Variants in GLP2R observed in about 807,000 individuals in gnomAD.
GLP2R encodes glucagon like peptide 2 receptor.
GLP2R carries 59 observed loss-of-function variants against 68.2 expected under a neutral mutation model. The ratio of observed to expected loss-of-function variants is 0.87; its 90% confidence interval spans 0.70 to 1.07. The LOEUF is 1.07. GLP2R is among the 50% of genes least tolerant of loss of function. GLP2R has a pLI of 0.00. For missense variants in GLP2R, 548 were observed against 677.4 expected (o/e 0.81, Z 2.12); for synonymous variants, 270 against 265.4 (o/e 1.02, Z -0.17).
chr17:9,847,433 C>T (rs2066850351), intron 4 of GLP2R, among the ~76,000 whole-genome samples: 1 of 151,966 alleles, frequency 6.6e-6, no homozygotes, highest in African/African-American at 2.4e-5. Flanking sequence ...CCACACCCGG[C>T]AATGTTTTGT....
At chr17:9,853,242 G>A in intron 4 of GLP2R, 1 of 313,186 alleles carries the variant, frequency 3.2e-6, no homozygotes, top group Non-Finnish European at 6.1e-6. Flanking sequence ...TCGGCCTTTA[G>A]TTCACAACTG....
chr17:9,871,262 G>A (rs1031670547), intron 10 of GLP2R, among the ~76,000 whole-genome samples: 1 of 151,916 alleles, frequency 6.6e-6, no homozygotes, highest in Non-Finnish European at 1.5e-5. Flanking sequence ...GCTAAGGTGA[G>A]GGGCTTGCTT....
Position 9,836,296 on chromosome 17 carries a change from C to T in GLP2R, c.278-75C>T, listed in dbSNP as rs1031484938. ...CCAGTGCCAGGAAGGTGGGCTCCCACGGTGCCTCTGCCTCCATCAGTGGCA... is the reference window on the plus strand; with the variant it reads ...CCAGTGCCAGGAAGGTGGGCTCCCATGGTGCCTCTGCCTCCATCAGTGGCA... On this transcript the variant is annotated intron_variant, in intron 2 of 12. Transcript: ENST00000262441. The T allele has an allele frequency of 2.5e-5, 25 of 982,806 alleles. No homozygotes were observed. In the Middle Eastern group the frequency reaches 6.3e-4, roughly 25 times the overall value. 60.9% of individuals were successfully genotyped at this position (982,806 alleles called of 1,614,324 possible). A position where few individuals can be genotyped will look rare whatever the true frequency, so the allele number is the denominator to read the frequency against.
chr17:9,860,683 G>C (rs560428957), intron 7 of GLP2R, among the ~76,000 whole-genome samples: 1 of 152,130 alleles, frequency 6.6e-6, no homozygotes, highest in Admixed American at 6.5e-5. Flanking sequence ...ACTGGGGTAG[G>C]GCTTCAACAT....
intron 4 of GLP2R, among the ~76,000 whole-genome samples, chr17:9,847,741 C>A (rs1329487338): frequency 1.3e-5 from 2 of 152,154 alleles, no homozygotes. Context: ...TGATCGTATT[C>A]AGGTTCTACA....
In GLP2R at chr17:9,870,670, G is replaced by A. The variant is rs1051297001; in HGVS notation, c.1057-77G>A. 9 of 765,080 alleles carry A rather than the reference G, an allele frequency of 1.2e-5. No homozygotes were observed. The African/African-American group carries it at 1.2e-4, about 10-fold the overall frequency. 47.4% of individuals were successfully genotyped at this position (765,080 alleles called of 1,614,324 possible). On this transcript the variant is annotated intron_variant, in intron 9 of 12. Coordinates refer to ENST00000262441, the MANE Select transcript of GLP2R (RefSeq NM_004246.3). ...CATTGAACTGATGGAACTGATGGCCGAGCCCAGCCTGACCTTGAAGTTCAC... is the reference window on the plus strand; with the variant it reads ...CATTGAACTGATGGAACTGATGGCCAAGCCCAGCCTGACCTTGAAGTTCAC...
chr17:9,863,679 G>A (rs962372513), intron 9 of GLP2R, among the ~76,000 whole-genome samples: 7 of 152,234 alleles, frequency 4.6e-5, no homozygotes, highest in Admixed American at 2.6e-4. Flanking sequence ...CTTGGGTCAG[G>A]CATCATTCTC....
At chr17:9,849,096 T>C (rs934783532) in intron 4 of GLP2R, among the ~76,000 whole-genome samples, 1 of 151,632 alleles carries the variant, frequency 6.6e-6, no homozygotes, top group African/African-American at 2.4e-5. Context: ...TAATAATACG[T>C]TTAAAATTTT....
At position 9,854,503 on chromosome 17, in the gene GLP2R, T is replaced by C; in HGVS notation, c.513T>C (p.Arg171=). ...ENHSFKQNVD[R]YALLSTLQLM... Reference sequence around the variant, plus strand: ...TCTTCCTCTGTGTTCAGGTGGATCGTTATGCCTTGCTGTCAACCTTGCAGC... The same window carrying C: ...TCTTCCTCTGTGTTCAGGTGGATCGCTATGCCTTGCTGTCAACCTTGCAGC... Residue 171 remains arginine, a synonymous_variant, in exon 5 of 13, where the codon CGT becomes CGC. Coordinates refer to ENST00000262441, the MANE Select transcript of GLP2R (RefSeq NM_004246.3). 1 of 1,601,872 alleles carries C rather than the reference T, an allele frequency of 6.2e-7. No homozygotes were observed. The highest frequency in any genetic ancestry group is 8.6e-7 in the Non-Finnish European group (1 of 1,168,714).
At position 9,889,442 on chromosome 17, in the gene GLP2R, C is replaced by T; in HGVS notation, c.1399C>T (p.Leu467=). ...ARHSGCRACV[L]GKDFRFLGKC... ...CCACTCAGGCTGCAGAGCCTGTGTC[C>T]TGGGGAAGGACTTCCGGTTCCTAGG... Residue 467 remains leucine (L), a synonymous_variant, in exon 13 of 13, where the codon CTG becomes TTG. Transcript: ENST00000262441. The T allele has an allele frequency of 1.2e-6, 2 of 1,614,108 alleles. No individual in the cohort carries two copies. Among genetic ancestry groups the T allele is most frequent in the Non-Finnish European group, 1.7e-6 (2 of 1,179,916 alleles).
At chr17:9,855,352 C>T (rs1391684566) in intron 5 of GLP2R, among the ~76,000 whole-genome samples, 2 of 152,340 alleles carry the variant, frequency 1.3e-5, no homozygotes, top group Admixed American at 6.5e-5. Context: ...CAGTTGGCTA[C>T]ACAGCTAGAA....
intron 1 of GLP2R, among the ~76,000 whole-genome samples, chr17:9,827,352 AACCCTATAG>A (rs1200789278): frequency 6.6e-6 from 1 of 152,216 alleles, no homozygotes; most frequent in Non-Finnish European, 1.5e-5. Context: ...TGTTCTCAGC[AACCCTATAG>A]ACTGAGGTTC....
At chr17:9,834,238 C>T (rs994115345) in intron 2 of GLP2R, among the ~76,000 whole-genome samples, 10 of 152,162 alleles carry the variant, frequency 6.6e-5, no homozygotes, top group Admixed American at 6.5e-4. Context: ...AAGCTCTACT[C>T]AGGCTAACAG....
chr17:9,888,005 T>A, intron 12 of GLP2R, 32 bp downstream of exon 12: 1 of 1,558,972 alleles, frequency 6.4e-7, no homozygotes, highest in Non-Finnish European at 8.9e-7. Flanking sequence ...CCTGGTTTCA[T>A]GTGAGGTTGG....
At chr17:9,879,404 G>T (rs1327509861) in intron 10 of GLP2R, among the ~76,000 whole-genome samples, 2 of 152,070 alleles carry the variant, frequency 1.3e-5, no homozygotes, top group African/African-American at 4.8e-5. Flanking sequence ...GTCCGAAGCA[G>T]GAGGATTGCT....
At chr17:9,873,188 G>A (rs1395106929) in intron 10 of GLP2R, among the ~76,000 whole-genome samples, 2 of 152,210 alleles carry the variant, frequency 1.3e-5, no homozygotes, top group African/African-American at 2.4e-5. Context: ...ACAGGTGCCA[G>A]GAAAACCAGG....
At chr17:9,873,868 C>G (rs1457787749) in intron 10 of GLP2R, among the ~76,000 whole-genome samples, 1 of 152,068 alleles carries the variant, frequency 6.6e-6, no homozygotes, top group Non-Finnish European at 1.5e-5. Context: ...AGAGGGAGGA[C>G]GTTCTCAGTG....
chr17:9,839,287 A>G (rs1283541720), intron 3 of GLP2R, among the ~76,000 whole-genome samples: 1 of 152,170 alleles, frequency 6.6e-6, no homozygotes, highest in Non-Finnish European at 1.5e-5. Context: ...AGAGAGAAGG[A>G]GAAAGATTAA....
rs184873596 is a variant in GLP2R at position 9,889,489 on chromosome 17, G to A, written c.1446G>A (p.Ser482=). ...TAGGAAAATGTCCCAAGAAGCTCTC[G>A]GAAGGAGATGGCGCTGAGAAGCTTC... ...RFLGKCPKKL[S]EGDGAEKLRK... Residue 482 remains serine, a synonymous_variant, in exon 13 of 13, where the codon TCG becomes TCA. Transcript: ENST00000262441. 8.1e-5 allele frequency: 130 copies of A among 1,614,174 alleles called. 1 individual carries two copies. The highest frequency in any genetic ancestry group is 5.0e-4 in the Middle Eastern group (3 of 6,060).
Sources: allele counts gnomAD v4.1 joint callset (sites outside exome capture counted in the v4.1 genomes callset), GRCh38; gene constraint gnomAD v4.1.1; transcripts MANE v1.5; gene names NCBI Gene and HGNC (gene_info 2026-07-23, HGNC 2026-07-21).